TMEM40: variants seen among roughly 807,000 people sequenced by gnomAD.
TMEM40 encodes transmembrane protein 40.
Under a neutral mutation model 40.8 loss-of-function variants are expected in TMEM40, and 34 were observed. The ratio of observed to expected loss-of-function variants is 0.83; its 90% CI spans 0.63 to 1.11. The LOEUF is 1.11. Among genes scored for constraint, TMEM40 ranks in the 50% least tolerant of loss-of-function variants. The pLI, the probability that TMEM40 is intolerant of heterozygous loss-of-function variation, is 0.00. For missense variants in TMEM40, 296 were observed against 280.2 expected (o/e 1.06, Z -0.40); for synonymous variants, 106 against 107.0 (o/e 0.99, Z 0.06).
chr3:12,768,039 C>A (rs879415695), intron 1 of TMEM40, among the ~76,000 whole-genome samples: 1 of 152,160 alleles, frequency 6.6e-6, no homozygotes, highest in Non-Finnish European at 1.5e-5. Context: ...AAGAATGAAG[C>A]CACAGACCCT....
At chr3:12,747,990 A>G (rs866018305) in intron 3 of TMEM40, among the ~76,000 whole-genome samples, 32 of 152,196 alleles carry the variant, frequency 2.1e-4, no homozygotes, top group African/African-American at 7.5e-4. Flanking sequence ...CAAGGACTCA[A>G]TACTTAGGAA....
At chr3:12,754,686 CAA>C (rs1433389406) in intron 1 of TMEM40, among the ~76,000 whole-genome samples, 2 of 152,142 alleles carry the variant, frequency 1.3e-5, no homozygotes, top group Non-Finnish European at 2.9e-5. Flanking sequence ...TCTGGACAGA[CAA>C]AGAGAATCCA....
intron 1 of TMEM40, among the ~76,000 whole-genome samples, chr3:12,755,839 A>G (rs1447745101): frequency 1.3e-5 from 2 of 152,176 alleles, no homozygotes; most frequent in African/African-American, 4.8e-5. Flanking sequence ...TGTGGCGTGC[A>G]GGAGCCCAGT....
intron 3 of TMEM40, among the ~76,000 whole-genome samples, chr3:12,745,807 A>G (rs2061422931): frequency 6.6e-6 from 1 of 152,006 alleles, no homozygotes; most frequent in Admixed American, 6.6e-5. Context: ...AATGAAGACT[A>G]TTTTTGTATA....
At chr3:12,769,089 C>G (rs1457002758) in intron 1 of TMEM40, among the ~76,000 whole-genome samples, 1 of 151,828 alleles carries the variant, frequency 6.6e-6, no homozygotes, top group South Asian at 2.1e-4. Context: ...ACCCGGCGCA[C>G]CCTCCACAGC....
intron 7 of TMEM40, 87 bp downstream of exon 7, chr3:12,738,049 C>T (rs1447898088): frequency 1.9e-5 from 29 of 1,535,536 alleles, no homozygotes; most frequent in Non-Finnish European, 2.6e-5. Context: ...CTGGGACTAA[C>T]CCACCCTCTC....
At chr3:12,734,851 C>A in intron 11 of TMEM40, 58 bp from the exon 12 acceptor site, 1 of 1,564,182 alleles carries the variant, frequency 6.4e-7, no homozygotes, top group African/African-American at 1.4e-5. Context: ...GGCTTCATCC[C>A]CACCATCACC....
At chr3:12,749,927 A>G (rs2061460536) in intron 1 of TMEM40, 87 bp from the exon 2 acceptor site, 2 of 1,227,700 alleles carry the variant, frequency 1.6e-6, no homozygotes, top group South Asian at 2.7e-5. Context: ...TAAGAAAAAG[A>G]CAAACACTCA....
intron 8 of TMEM40, 85 bp from the exon 9 acceptor site, chr3:12,736,920 C>A: frequency 6.4e-7 from 1 of 1,562,586 alleles, no homozygotes; most frequent in Non-Finnish European, 8.8e-7. Flanking sequence ...GCTCTGTCAC[C>A]CAGGGTGGAG....
At chr3:12,751,741 G>A (rs781438336) in intron 1 of TMEM40, among the ~76,000 whole-genome samples, 7 of 152,182 alleles carry the variant, frequency 4.6e-5, no homozygotes, top group Non-Finnish European at 5.9e-5. Context: ...CACGCAACAG[G>A]TGACTAGTAC....
intron 5 of TMEM40, among the ~76,000 whole-genome samples, chr3:12,740,669 G>A (rs1471236431): frequency 6.6e-6 from 1 of 151,830 alleles, no homozygotes; most frequent in African/African-American, 2.4e-5. Flanking sequence ...ACCAGCTTGG[G>A]CCACAGGGTA....
chr3:12,736,513 G>T (rs2061338374), intron 10 of TMEM40, 65 bp downstream of exon 10: 1 of 1,518,918 alleles, frequency 6.6e-7, no homozygotes, highest in Non-Finnish European at 8.9e-7. Context: ...GTATGAAAAT[G>T]AATATTTCTA....
In TMEM40 at chr3:12,755,213, T is replaced by TTCTTTCTTTCTCTC. The variant is rs1553634015; in HGVS notation, c.-9+3977_-9+3978insGAGAGAAAGAAAGA. ...TTCCTTCCTTCCTTTCTTTCTTTCT[T>TTCTTTCTTTCTCTC]TCTCTCTCTCTCTCTCTCTCTCTTT... On this transcript the variant is annotated intron_variant, in intron 1 of 11. Coordinates refer to ENST00000314124, the MANE Select transcript of TMEM40 (RefSeq NM_018306.4). Among the ~76,000 whole-genome samples, 35 of 94,310 alleles carry TTCTTTCTTTCTCTC rather than the reference T, an allele frequency of 3.7e-4. 1 individual carries two copies. The highest frequency in any genetic ancestry group is 1.7e-3 in the Admixed American group (15 of 8,998). 61.9% of individuals were successfully genotyped at this position (94,310 alleles called of 152,430 possible). A position where few individuals can be genotyped will look rare whatever the true frequency, so the allele number is the denominator to read the frequency against.
At position 12,734,518 on chromosome 3, in the gene TMEM40, T is replaced by C. The variant is rs191951760; in HGVS notation, c.*256A>G. ...AGAATCTTCCTGCTGGTCCAGGTACTGTGAAGCCTCAGGCCCCACACCCAC... is the reference window on the plus strand; with the variant it reads ...AGAATCTTCCTGCTGGTCCAGGTACCGTGAAGCCTCAGGCCCCACACCCAC... On this transcript the variant is annotated 3_prime_UTR_variant, in exon 12 of 12. Transcript: ENST00000314124. 8.8e-4 allele frequency: 446 copies of C among 509,100 alleles called. 3 individuals carry two copies. The highest frequency in any genetic ancestry group is 7.7e-3 in the African/African-American group (400 of 52,196). 31.5% of individuals were successfully genotyped at this position (509,100 alleles called of 1,614,324 possible).
rs545112430 is a variant in TMEM40 at position 12,748,649 on chromosome 3, C to T, written c.211+6G>A. On this transcript the variant is annotated splice_donor_region_variant and intron_variant, in intron 3 of 11. Transcript: ENST00000314124. ...TAATATACATATATTTAAATCTCTG[C>T]TATACCTGAGGAGGAGGAGGATGAA... is the stretch of plus-strand genomic sequence containing the variant. 5.9e-5 allele frequency: 95 copies of T among 1,610,246 alleles called. No homozygotes were observed. In the South Asian group the frequency reaches 9.8e-4, roughly 17 times the overall value.
intron 1 of TMEM40, among the ~76,000 whole-genome samples, chr3:12,755,224 TC>T (rs2061513920): frequency 9.0e-4 from 79 of 87,942 alleles, no homozygotes; most frequent in African/African-American, 5.6e-3. Flanking sequence ...TCTCTCTCTC[TC>T]TCTCTCTCTC....
At chr3:12,750,409 C>A (rs1293490124) in intron 1 of TMEM40, among the ~76,000 whole-genome samples, 4 of 152,138 alleles carry the variant, frequency 2.6e-5, no homozygotes, top group Non-Finnish European at 5.9e-5. Context: ...ACACACAGAG[C>A]CACCTGCCAC....
intron 1 of TMEM40, among the ~76,000 whole-genome samples, chr3:12,764,723 G>A (rs1401439361): frequency 6.6e-6 from 1 of 152,162 alleles, no homozygotes; most frequent in African/African-American, 2.4e-5. Flanking sequence ...CAGAAAGTTG[G>A]ATCTCGTTAC....
chr3:12,742,413 C>T (rs111990450), intron 5 of TMEM40, 41 bp downstream of exon 5: 19 of 1,602,516 alleles, frequency 1.2e-5, no homozygotes, highest in African/African-American at 9.4e-5. Flanking sequence ...TCTTTTCCTT[C>T]GTCTAATTGT....
Sources: allele counts gnomAD v4.1 joint callset (sites outside exome capture counted in the v4.1 genomes callset), GRCh38; gene constraint gnomAD v4.1.1; transcripts MANE v1.5; gene names NCBI Gene and HGNC (gene_info 2026-07-23, HGNC 2026-07-21).